Variants in PNISR observed in about 807,000 individuals in gnomAD.
PNISR encodes the protein PNN interacting serine and arginine rich protein.
In PNISR, 20 loss-of-function variants were observed where a neutral mutation model predicts 93.4. The ratio of observed to expected loss-of-function variants is 0.21; its 90% CI spans 0.15 to 0.31. The LOEUF is 0.31. Among genes scored for constraint, PNISR ranks in the 10% least tolerant of loss-of-function variants. The pLI is 1.00. For synonymous variants in PNISR, 305 were observed against 306.5 expected (o/e 0.99, Z 0.05); for missense variants, 893 against 985.4 (o/e 0.91, Z 1.25).
At chr6:99,405,779 A>C (rs1446498269) in intron 8 of PNISR, among the ~76,000 whole-genome samples, 1 of 151,768 alleles carries the variant, frequency 6.6e-6, no homozygotes, top group African/African-American at 2.4e-5. Context: ...TTGGTCTTGA[A>C]CTCCTGGACT....
At position 99,424,955 on chromosome 6, in the gene PNISR, C is replaced by G. The variant is rs565394529; in HGVS notation, c.-112+260G>C. 9.2e-6 allele frequency: 3 copies of G among 326,806 alleles called. No homozygotes were observed. The Admixed American group carries it at 1.5e-4, about 16-fold the overall frequency. 20.2% of individuals were successfully genotyped at this position (326,806 alleles called of 1,614,324 possible). On this transcript the variant is annotated intron_variant, in intron 1 of 11. Transcript: ENST00000369239. The stretch of plus-strand genomic sequence containing the variant: ...GCCGGTCAGGAACCCAACAATTAGT[C>G]CCTTCTCGTCCGAGAGGAAACTCTG...
chr6:99,406,167 T>G lies in PNISR; in HGVS notation c.866A>C (p.Asp289Ala). Reference protein sequence around the residue: ...GPRLPQRSKFDSDEEEEDTEN... With the variant: ...GPRLPQRSKFASDEEEEDTEN... ...AGTGTCTTCTTCTTCCTCATCACTA[T>G]CCTATAAAAAACAATAGTATGGTAG... The change falls in exon 8 of 12, where the codon GAT becomes GCT. Residue 289 changes from aspartate to alanine, a missense_variant and splice_region_variant. Physicochemically the swap from Asp to Ala is moderately radical, Grantham distance 126 (BLOSUM62 -2). Around this residue, in one of 3 missense-constraint regions of PNISR, gnomAD observed 866 missense variants for 935.1 expected, o/e 0.93. Transcript: ENST00000369239. 1 of 1,603,954 alleles carries G rather than the reference T, an allele frequency of 6.2e-7. No individual in the cohort carries two copies. Among genetic ancestry groups the G allele is most frequent in the Non-Finnish European group, 8.5e-7 (1 of 1,172,284 alleles).
At chr6:99,402,788 A>AT in intron 10 of PNISR, 78 bp from the exon 11 acceptor site, 1 of 1,086,582 alleles carries the variant, frequency 9.2e-7, no homozygotes, top group Non-Finnish European at 1.3e-6. Context: ...CTGAGAAGAA[A>AT]GTTCATTTCT....
chr6:99,400,541 T>C lies in PNISR; in HGVS notation c.2417A>G (p.Ter806TrpextTer4). ...RKHKSKSRSR[*>W] ...AGACAAAATACTTTAAAAAGTATAC[T>C]ACCTTGATCGGGACTTAGACTTGTG... Residue 806 changes from the stop codon to tryptophan, a stop_lost, in exon 12 of 12, where the codon TAG becomes TGG. Coordinates refer to ENST00000369239, the MANE Select transcript of PNISR (RefSeq NM_032870.4). 6.2e-7 allele frequency: 1 copy of C among 1,604,420 alleles called. No individual in the cohort carries two copies. The highest frequency in any genetic ancestry group is 8.5e-7 in the Non-Finnish European group (1 of 1,177,514).
At chr6:99,419,152 CAAAAAAAAAAAAAAAA>C (rs1166838873) in intron 1 of PNISR, among the ~76,000 whole-genome samples, 4 of 19,824 alleles carry the variant, frequency 2.0e-4, no homozygotes, top group South Asian at 2.3e-3. Context: ...GACTCCGTCT[CAAAAAAAAAAAAAAAA>C]AAAAAAAAAA....
intron 1 of PNISR, among the ~76,000 whole-genome samples, chr6:99,422,860 G>C (rs1374458740): frequency 8.6e-6 from 1 of 116,404 alleles, no homozygotes; most frequent in Non-Finnish European, 1.7e-5. Context: ...CTGGGAAACA[G>C]AGTGACACTC....
In PNISR at chr6:99,411,455, G is replaced by T. The variant is rs1177846528; in HGVS notation, c.278-491C>A. Among the ~76,000 whole-genome samples, 4 of 152,218 alleles carry T rather than the reference G, an allele frequency of 2.6e-5. No homozygotes were observed. The East Asian group carries it at 7.7e-4, about 29-fold the overall frequency. On this transcript the variant is annotated intron_variant, in intron 4 of 11. Coordinates refer to ENST00000369239, the MANE Select transcript of PNISR (RefSeq NM_032870.4). ...TCACAAAGTAGAGTAAAACTAAGGG[G>T]TAGGGATGCCCGCGGGAGTCATTTA...
chr6:99,402,508 G>A (rs1775632415), intron 11 of PNISR, 32 bp downstream of exon 11: 3 of 1,454,936 alleles, frequency 2.1e-6, no homozygotes, highest in South Asian at 1.5e-5. Flanking sequence ...TACAAAACTG[G>A]ACCAAAATTA....
chr6:99,410,174 G>A (rs563236314), intron 5 of PNISR: 52 of 152,476 alleles, frequency 3.4e-4, no homozygotes, highest in African/African-American at 1.3e-3. Flanking sequence ...CTGGCAGAGG[G>A]AATGAAGTAA....
At chr6:99,405,604 A>G (rs923586218) in intron 8 of PNISR, among the ~76,000 whole-genome samples, 3 of 152,030 alleles carry the variant, frequency 2.0e-5, no homozygotes, top group Admixed American at 6.6e-5. Context: ...TCACTCTGTC[A>G]CCCAGGATGG....
chr6:99,414,828 T>A, intron 2 of PNISR, 138 bp from the exon 3 acceptor site: 2 of 439,974 alleles, frequency 4.5e-6, no homozygotes, highest in Non-Finnish European at 7.9e-6. Context: ...CAGAGGCAAC[T>A]AGAATTTTTA....
At position 99,404,347 on chromosome 6, in the gene PNISR, C is replaced by T. The variant is rs1287924123; in HGVS notation, c.1102+256G>A. 8.6e-6 allele frequency: 4 copies of T among 466,066 alleles called. No individual in the cohort carries two copies. In the Admixed American group the frequency reaches 1.1e-4, roughly 13 times the overall value. 28.9% of individuals were successfully genotyped at this position (466,066 alleles called of 1,614,324 possible). ...AAAAAATCAGGTGAAATAAACTGAA[C>T]ACCTGGAATTTTCCACAATACATTT... On this transcript the variant is annotated intron_variant, in intron 9 of 11. Transcript: ENST00000369239.
chr6:99,404,383 C>T lies in PNISR; in HGVS notation c.1102+220G>A, dbSNP rs1263650849. On this transcript the variant is annotated intron_variant, in intron 9 of 11. Transcript: ENST00000369239. The stretch of plus-strand genomic sequence containing the variant: ...TTCCACAATACATTTTAGAGGAAAA[C>T]AGCATGATTGCTAATTTGTACTCAT... The T allele has an allele frequency of 5.6e-6, 3 of 532,846 alleles. No homozygotes were observed. In the African/African-American group the frequency reaches 5.8e-5, roughly 10 times the overall value. 33.0% of individuals were successfully genotyped at this position (532,846 alleles called of 1,614,324 possible). A position where few individuals can be genotyped will look rare whatever the true frequency, so the allele number is the denominator to read the frequency against.
At chr6:99,423,264 ATAAGT>A (rs1322682990) in intron 1 of PNISR, among the ~76,000 whole-genome samples, 1 of 152,214 alleles carries the variant, frequency 6.6e-6, no homozygotes, top group Non-Finnish European at 1.5e-5. Flanking sequence ...GGATTATAAT[ATAAGT>A]TATGTAATAA....
At chr6:99,409,057 T>A (rs1776508297) in intron 6 of PNISR, 116 bp downstream of exon 6, 1 of 755,192 alleles carries the variant, frequency 1.3e-6, no homozygotes. Flanking sequence ...AAAAATAAAG[T>A]GTCAATTCCT....
chr6:99,417,873 C>T (rs527783273), intron 1 of PNISR, among the ~76,000 whole-genome samples: 1 of 147,356 alleles, frequency 6.8e-6, no homozygotes, highest in Non-Finnish European at 1.5e-5. Context: ...GAGGCTGAGA[C>T]AGGAGAATTG....
At chr6:99,410,050 A>G (rs1318462655) in intron 5 of PNISR, 2 of 152,286 alleles carry the variant, frequency 1.3e-5, no homozygotes, top group Non-Finnish European at 2.9e-5. Context: ...AATCTACCCT[A>G]GAATTCATGA....
At position 99,410,842 on chromosome 6, in the gene PNISR, A is replaced by C; in HGVS notation, c.400T>G (p.Phe134Val). ...AATATATGCCTGTTGTCAGGGGCAAATTCCCCACTGTCCTGACTGTTGCTG... is the reference window on the plus strand; with the variant it reads ...AATATATGCCTGTTGTCAGGGGCAACTTCCCCACTGTCCTGACTGTTGCTG... ...EDSNSQDSGE[F>V]APDNRHIFNQ... The change falls in exon 5 of 12, where the codon TTT (phenylalanine) becomes GTT (valine). Residue 134 changes from phenylalanine to valine, a missense_variant. Physicochemically the swap from Phe to Val is conservative, Grantham distance 50. Around this residue, in one of 3 missense-constraint regions of PNISR, gnomAD observed 866 missense variants for 935.1 expected, o/e 0.93. Coordinates refer to ENST00000369239, the MANE Select transcript of PNISR (RefSeq NM_032870.4). 6.2e-7 allele frequency: 1 copy of C among 1,614,070 alleles called. No homozygotes were observed. The highest frequency in any genetic ancestry group is 8.5e-7 in the Non-Finnish European group (1 of 1,179,982).
rs774556006 is a variant in PNISR, at chr6:99,400,463, G to C, written c.*77C>G. Reference sequence around the variant, plus strand: ...CCAAACTGAGTTTATTAAAGAGAGAGAGAAAGGACACTTTCAACTTTGAAT... The same window carrying C: ...CCAAACTGAGTTTATTAAAGAGAGACAGAAAGGACACTTTCAACTTTGAAT... On this transcript the variant is annotated 3_prime_UTR_variant, in exon 12 of 12. Transcript: ENST00000369239. The C allele has an allele frequency of 6.6e-7, 1 of 1,516,366 alleles. No homozygotes were observed. Among genetic ancestry groups the C allele is most frequent in the Non-Finnish European group, 8.8e-7 (1 of 1,136,768 alleles). The allele number at this position is 1,516,366 out of a possible 1,614,324, so 93.9% of individuals were successfully genotyped here.
Sources: allele counts gnomAD v4.1 joint callset (sites outside exome capture counted in the v4.1 genomes callset), GRCh38; gene constraint gnomAD v4.1.1; regional missense constraint gnomAD v4.1.1; transcripts MANE v1.5; gene names NCBI Gene and HGNC (gene_info 2026-07-23, HGNC 2026-07-21).